Variants in DCC observed in about 807,000 individuals in gnomAD.
DCC encodes the protein DCC netrin 1 receptor, also known as netrin receptor DCC.
A neutral mutation model predicts 172.5 loss-of-function variants in DCC; 58 were observed. That is an observed-to-expected ratio of 0.34 (90% CI 0.27 to 0.42). The LOEUF (loss-of-function observed/expected upper bound fraction) is 0.42. Ranked by LOEUF, DCC falls within the 10% of genes least tolerant of loss-of-function variation. The pLI, the probability that DCC is intolerant of heterozygous loss-of-function variation, is 1.00. For synonymous variants in DCC, 709 were observed against 644.5 expected (o/e 1.10, Z -1.52); for missense variants, 1,740 against 1,791.0 (o/e 0.97, Z 0.51).
chr18:53,377,008 A>G (rs1907336796), intron 15 of DCC, among the ~76,000 whole-genome samples: 1 of 152,058 alleles, frequency 6.6e-6, no homozygotes, highest in Middle Eastern at 3.4e-3. Flanking sequence ...TATCTTTTCC[A>G]CTTTCCCTGG....
At chr18:52,715,622 G>A (rs1456051631) in intron 1 of DCC, among the ~76,000 whole-genome samples, 1 of 152,008 alleles carries the variant, frequency 6.6e-6, no homozygotes, top group Non-Finnish European at 1.5e-5. Flanking sequence ...CATTTTTTCT[G>A]AGGCTGACTT....
intron 2 of DCC, among the ~76,000 whole-genome samples, chr18:52,822,933 A>ATT (rs61460897): frequency 6.6e-6 from 1 of 152,126 alleles, no homozygotes; most frequent in East Asian, 1.9e-4. Context: ...AAGAAGTGGT[A>ATT]TTTTTTAAGA....
At chr18:53,100,447 GAGAA>G (rs1274869876) in intron 7 of DCC, among the ~76,000 whole-genome samples, 2 of 151,964 alleles carry the variant, frequency 1.3e-5, no homozygotes, top group Non-Finnish European at 2.9e-5. Context: ...AAATAGAAAG[GAGAA>G]AGAAACTGTT....
At chr18:52,748,085 G>A (rs541015483) in intron 1 of DCC, among the ~76,000 whole-genome samples, 1 of 152,174 alleles carries the variant, frequency 6.6e-6, no homozygotes, top group East Asian at 1.9e-4. Context: ...CAGGCATGGA[G>A]CGGTGAGGGG....
chr18:52,529,705 A>G (rs1176531573), intron 1 of DCC, among the ~76,000 whole-genome samples: 1 of 152,296 alleles, frequency 6.6e-6, no homozygotes, highest in East Asian at 1.9e-4. Context: ...ACACTCACTC[A>G]TGCCAAGGAC....
intron 5 of DCC, among the ~76,000 whole-genome samples, chr18:52,965,938 C>T (rs2040922514): frequency 6.6e-6 from 1 of 152,086 alleles, no homozygotes; most frequent in Non-Finnish European, 1.5e-5. Context: ...AATATGAGAG[C>T]CAGGAAACAT....
chr18:52,879,152 A>T (rs2039443616), intron 2 of DCC, among the ~76,000 whole-genome samples: 1 of 152,192 alleles, frequency 6.6e-6, no homozygotes, highest in Non-Finnish European at 1.5e-5. Context: ...TAGAAATCAA[A>T]TTGGACCTAA....
chr18:53,175,061 G>A lies in DCC; in HGVS notation c.1419-3901G>A, dbSNP rs1051942092. On this transcript the variant is annotated intron_variant, in intron 8 of 28. Transcript: ENST00000442544. ...AAATGTAATCCAGCATATAAACAGA[G>A]CCAAAGACAAAAACCACATGATTAT... Among the ~76,000 whole-genome samples the A allele has an allele frequency of 2.1e-3, 316 of 151,168 alleles. 4 individuals carry two copies. Among genetic ancestry groups the A allele is most frequent in the Admixed American group, 0.018 (275 of 15,162 alleles).
chr18:52,796,180 G>A (rs2037875107), intron 2 of DCC, among the ~76,000 whole-genome samples: 1 of 151,356 alleles, frequency 6.6e-6, no homozygotes, highest in African/African-American at 2.4e-5. Context: ...ATATAGCTGA[G>A]TCATTGTTTT....
chr18:53,216,750 A>G (rs2055858191), intron 12 of DCC, among the ~76,000 whole-genome samples: 1 of 152,162 alleles, frequency 6.6e-6, no homozygotes, highest in Non-Finnish European at 1.5e-5. Flanking sequence ...CTTTTAGGCA[A>G]TATGTTGGAT....
chr18:53,462,635 AC>A (rs1434131775), intron 24 of DCC, among the ~76,000 whole-genome samples: 2 of 152,006 alleles, frequency 1.3e-5, no homozygotes. Context: ...CTGAAACCGT[AC>A]CCTGCCCCCT....
chr18:53,245,440 C>A (rs1169701246), intron 12 of DCC, among the ~76,000 whole-genome samples: 1 of 152,120 alleles, frequency 6.6e-6, no homozygotes, highest in Non-Finnish European at 1.5e-5. Flanking sequence ...ACCTGCCCTA[C>A]AGAGTTTTTA....
At chr18:53,370,049 T>C (rs907501213) in intron 15 of DCC, among the ~76,000 whole-genome samples, 1 of 151,824 alleles carries the variant, frequency 6.6e-6, no homozygotes, top group African/African-American at 2.4e-5. Context: ...ATTTTTTTAA[T>C]GTTTGGTAGA....
At chr18:53,230,195 C>T (rs1321802639) in intron 12 of DCC, among the ~76,000 whole-genome samples, 1 of 152,100 alleles carries the variant, frequency 6.6e-6, no homozygotes, top group African/African-American at 2.4e-5. Context: ...TTAGCATTTA[C>T]TTTGGCAAAT....
At chr18:53,278,123 C>T (rs2056827768) in intron 12 of DCC, among the ~76,000 whole-genome samples, 1 of 151,962 alleles carries the variant, frequency 6.6e-6, no homozygotes, top group African/African-American at 2.4e-5. Context: ...GTATATATGA[C>T]ACAATAACTA....
chr18:52,745,865 G>A (rs183914035), intron 1 of DCC, among the ~76,000 whole-genome samples: 1 of 152,270 alleles, frequency 6.6e-6, no homozygotes, highest in East Asian at 1.9e-4. Context: ...GTTCCCAGGA[G>A]GTGTTGCTGT....
intron 1 of DCC, among the ~76,000 whole-genome samples, chr18:52,417,256 G>A (rs1204926446): frequency 6.6e-6 from 1 of 152,130 alleles, no homozygotes; most frequent in Non-Finnish European, 1.5e-5. Flanking sequence ...TTAGTCTGAT[G>A]GGCTTCCCTT....
intron 7 of DCC, among the ~76,000 whole-genome samples, chr18:53,100,437 A>T (rs1252615739): frequency 6.6e-6 from 1 of 152,140 alleles, no homozygotes; most frequent in Non-Finnish European, 1.5e-5. Flanking sequence ...CACAGCAAAT[A>T]AATAGAAAGG....
chr18:52,906,409 T>C, intron 3 of DCC, 81 bp downstream of exon 3: 5 of 1,399,936 alleles, frequency 3.6e-6, no homozygotes, highest in Non-Finnish European at 5.0e-6. Flanking sequence ...TAACAGATAT[T>C]TGTAATTGTT....
Sources: gnomAD v4.1 joint callset for allele counts (sites outside exome capture counted in the v4.1 genomes callset) on GRCh38, gnomAD v4.1.1 for gene constraint, MANE v1.5 for transcripts, NCBI Gene and HGNC (gene_info 2026-07-23, HGNC 2026-07-21) for gene names.